ZNF497: variants seen among roughly 807,000 people sequenced by gnomAD.
ZNF497 encodes zinc finger protein 497.
For missense variants in ZNF497, 930 were observed against 714.0 expected (o/e 1.30, Z -3.45); for synonymous variants, 422 against 313.7 (o/e 1.35, Z -3.65).
In ZNF497 at chr19:58,357,458, T is replaced by G; in HGVS notation, c.178A>C (p.Thr60Pro). The G allele has an allele frequency of 1.3e-6, 2 of 1,597,042 alleles. No individual in the cohort carries two copies. Among genetic ancestry groups the G allele is most frequent in the Non-Finnish European group, 1.7e-6 (2 of 1,172,136 alleles). The change falls in exon 3 of 3, where the codon ACA (threonine) becomes CCA (proline). Residue 60 changes from threonine (T) to proline (P), a missense_variant. By Grantham distance (38) the Thr-to-Pro change is conservative. Transcript: ENST00000311044. ...EAGDGQRQQA[T>P]LGAADEQGGP... ...CCCTGTTCGTCCGCCGCCCCCAGTG[T>G]GGCTTGCTGCCGCTGGCCGTCCCCT...
chr19:58,356,375 T>C lies in ZNF497; in HGVS notation c.1261A>G (p.Lys421Glu). ...ERPFACAECG[K>E]AFRGSSELRQ... ...AGCTCGGAGCTGCCGCGGAAGGCCT[T>C]GCCGCATTCTGCGCAGGCGAAGGGT... Residue 421 changes from lysine to glutamate, a missense_variant, in exon 3 of 3, where the codon AAG becomes GAG. Transcript: ENST00000311044. 2 of 1,565,892 alleles carry C rather than the reference T, an allele frequency of 1.3e-6. No homozygotes were observed. Among genetic ancestry groups the C allele is most frequent in the Non-Finnish European group, 1.7e-6 (2 of 1,159,890 alleles).
At position 58,357,343 on chromosome 19, in the gene ZNF497, G is replaced by A. The variant is rs199761726; in HGVS notation, c.293C>T (p.Ser98Leu). 100 of 1,598,566 alleles carry A rather than the reference G, an allele frequency of 6.3e-5. 1 individual carries two copies. The East Asian group carries it at 8.6e-4, about 14-fold the overall frequency. Residue 98 changes from serine (S) to leucine (L), a missense_variant, in exon 3 of 3, where the codon TCG becomes TTG. Physicochemically the swap from Ser to Leu is moderately radical, Grantham distance 145 (BLOSUM62 -2). Transcript: ENST00000311044. ...GCAGCCCGGCTCCTCTGGGAGAGGC[G>A]AAGGGCGCAACGCCCGGTCTGCAGG... ...SEPADRALRP[S>L]PLPEEPGCRC...
At position 58,356,463 on chromosome 19, in the gene ZNF497, G is replaced by A. The variant is rs900215116; in HGVS notation, c.1173C>T (p.Cys391=). The A allele has an allele frequency of 1.9e-6, 3 of 1,552,982 alleles. No individual in the cohort carries two copies. The highest frequency in any genetic ancestry group is 1.4e-5 in the African/African-American group (1 of 73,566). ...SGAKPFACAD[C]GKAFRGSSGL... Reference sequence around the variant, plus strand: ...CGGAACTGCCGCGGAAGGCCTTGCCGCAGTCGGCGCAGGCGAAGGGCTTGG... The same window carrying A: ...CGGAACTGCCGCGGAAGGCCTTGCCACAGTCGGCGCAGGCGAAGGGCTTGG... The change falls in exon 3 of 3, where the codon TGC becomes TGT. Residue 391 remains cysteine, a synonymous_variant. Transcript: ENST00000311044.
At chr19:58,362,030 C>T (rs2052099521) in intron 1 of ZNF497, among the ~76,000 whole-genome samples, 2 of 152,240 alleles carry the variant, frequency 1.3e-5, no homozygotes, top group Non-Finnish European at 2.9e-5. Context: ...CCCCGACGTC[C>T]TCACGTCCAC....
rs770777093 is a variant in ZNF497 at position 58,359,117 on chromosome 19, G to C, written c.-111-532C>G. On this transcript the variant is annotated intron_variant, in intron 1 of 2. Coordinates refer to ENST00000311044, the MANE Select transcript of ZNF497 (RefSeq NM_198458.3). ...ACACAGCTCACGCAGCTGAGCCAGG[G>C]CCCCTCGGGGCCCTGCTGCCTTCTC... is the stretch of plus-strand genomic sequence containing the variant. The C allele has an allele frequency of 2.6e-6, 3 of 1,144,150 alleles. No homozygotes were observed. The African/African-American group carries it at 4.8e-5, about 18-fold the overall frequency. 70.9% of individuals were successfully genotyped at this position (1,144,150 alleles called of 1,614,324 possible). A position where few individuals can be genotyped will look rare whatever the true frequency, so the allele number is the denominator to read the frequency against.
rs1420885835 is a variant in ZNF497, at chr19:58,356,795, T to G, written c.841A>C (p.Lys281Gln). ...AGCCCCGCCACACGCACGAAGGCCT[T>G]GCCGCAGTCGGGACAGGCGTGTGGC... Reference protein sequence around the residue: ...ARPHACPDCGKAFVRVAGLRQ... With the variant: ...ARPHACPDCGQAFVRVAGLRQ... The change falls in exon 3 of 3, where the codon AAG (lysine) becomes CAG (glutamine). Residue 281 changes from lysine (K) to glutamine (Q), a missense_variant. By Grantham distance (53) the Lys-to-Gln change is moderately conservative. Transcript: ENST00000311044. 1 of 1,579,564 alleles carries G rather than the reference T, an allele frequency of 6.3e-7. No homozygotes were observed. Among genetic ancestry groups the G allele is most frequent in the South Asian group, 1.1e-5 (1 of 88,458 alleles).
chr19:58,362,639 T>C (rs967179636), intron 1 of ZNF497, 38 bp downstream of exon 1: 6 of 151,904 alleles, frequency 3.9e-5, no homozygotes, highest in African/African-American at 7.3e-5. Flanking sequence ...GGAGGGCGGA[T>C]CTGTGCCTGG....
intron 1 of ZNF497, chr19:58,359,554 C>T: frequency 2.3e-6 from 1 of 437,784 alleles, no homozygotes; most frequent in Non-Finnish European, 4.6e-6. Flanking sequence ...AGGGTCCCTG[C>T]CCTGCCCTGT....
chr19:58,357,517 G>GC lies in ZNF497; in HGVS notation c.118dup (p.Ala40GlyfsTer288), dbSNP rs750910009. The GC allele has an allele frequency of 1.2e-6, 2 of 1,603,242 alleles. No individual in the cohort carries two copies. The highest frequency in any genetic ancestry group is 8.5e-7 in the Non-Finnish European group (1 of 1,175,294). On this transcript the variant is annotated frameshift_variant, in exon 3 of 3. Coordinates refer to ENST00000311044, the MANE Select transcript of ZNF497 (RefSeq NM_198458.3). The stretch of plus-strand genomic sequence containing the variant: ...CGGAACCTCCGTGGAGTTTTCCCAG[G>GC]CCCCCCAGCCTCCAGACACAGCCCC...
Position 58,355,812 on chromosome 19 carries a change from GAACTC to G in ZNF497, c.*322_*326del. ...GTTGGCTGCTTTTGACAGTGCCAGA[GAACTC>G]AAAGAAATAGCCACACCTGTCGGAG... On this transcript the variant is annotated 3_prime_UTR_variant, in exon 3 of 3. Transcript: ENST00000311044. The G allele has an allele frequency of 3.6e-6, 1 of 279,402 alleles. No individual in the cohort carries two copies. Among genetic ancestry groups the G allele is most frequent in the Non-Finnish European group, 6.7e-6 (1 of 150,082 alleles). 17.3% of individuals were successfully genotyped at this position (279,402 alleles called of 1,614,324 possible). A position where few individuals can be genotyped will look rare whatever the true frequency, so the allele number is the denominator to read the frequency against.
At chr19:58,358,625 G>C in intron 1 of ZNF497, 40 bp from the exon 2 acceptor site, 1 of 1,082,190 alleles carries the variant, frequency 9.2e-7, no homozygotes, top group Non-Finnish European at 1.2e-6. Flanking sequence ...GAGGTGTTCA[G>C]CCTAGCAGAT....
At chr19:58,359,628 A>T (rs1349059450) in intron 1 of ZNF497, 1 of 360,174 alleles carries the variant, frequency 2.8e-6, no homozygotes, top group Non-Finnish European at 5.6e-6. Flanking sequence ...CAGGACACCC[A>T]GAGTCAGACC....
Position 58,355,795 on chromosome 19 carries a change from CT to C in ZNF497, c.*343del. On this transcript the variant is annotated 3_prime_UTR_variant, in exon 3 of 3. Coordinates refer to ENST00000311044, the MANE Select transcript of ZNF497 (RefSeq NM_198458.3). ...TGTGGACTGGGGGGTGGGTTGGCTG[CT>C]TTTGACAGTGCCAGAGAACTCAAAG... The C allele has an allele frequency of 4.1e-6, 1 of 244,622 alleles. No homozygotes were observed. 15.2% of individuals were successfully genotyped at this position (244,622 alleles called of 1,614,324 possible).
Position 58,357,379 on chromosome 19 carries a change from G to T in ZNF497, c.257C>A (p.Pro86His). 2 of 1,593,844 alleles carry T rather than the reference G, an allele frequency of 1.3e-6. No individual in the cohort carries two copies. The highest frequency in any genetic ancestry group is 1.1e-5 in the South Asian group (1 of 89,154). The change falls in exon 3 of 3, where the codon CCC (proline) becomes CAC (histidine). Residue 86 changes from proline to histidine, a missense_variant. Transcript: ENST00000311044. Reference protein sequence around the residue: ...PADGGRDGAGPRSEPADRALR... With the variant: ...PADGGRDGAGHRSEPADRALR... ...CGCCCGGTCTGCAGGCTCGCTCCTGGGCCCAGCCCCGTCCCGCCCACCGTC... is the reference window on the plus strand; with the variant it reads ...CGCCCGGTCTGCAGGCTCGCTCCTGTGCCCAGCCCCGTCCCGCCCACCGTC...
chr19:58,356,349 C>T lies in ZNF497; in HGVS notation c.1287G>A (p.Leu429=), dbSNP rs1425730402. ...CAGAGTGCAGGCGCTGGTGCTGGCG[C>T]AGCTCGGAGCTGCCGCGGAAGGCCT... The part of the protein sequence containing the change: ...CGKAFRGSSE[L]RQHQRLHSGE... The change falls in exon 3 of 3, where the codon CTG becomes CTA. Residue 429 remains leucine (L), a synonymous_variant. Transcript: ENST00000311044. The T allele has an allele frequency of 1.9e-6, 3 of 1,566,922 alleles. No homozygotes were observed. Among genetic ancestry groups the T allele is most frequent in the Non-Finnish European group, 2.6e-6 (3 of 1,159,250 alleles).
chr19:58,356,357 A>C lies in ZNF497; in HGVS notation c.1279T>G (p.Ser427Ala), dbSNP rs974395593. The stretch of plus-strand genomic sequence containing the variant: ...AGGCGCTGGTGCTGGCGCAGCTCGG[A>C]GCTGCCGCGGAAGGCCTTGCCGCAT... ...AECGKAFRGS[S>A]ELRQHQRLHS... Residue 427 changes from serine to alanine, a missense_variant, in exon 3 of 3, where the codon TCC (serine) becomes GCC (alanine). Physicochemically the swap from Ser to Ala is moderately conservative, Grantham distance 99. Coordinates refer to ENST00000311044, the MANE Select transcript of ZNF497 (RefSeq NM_198458.3). 1.3e-6 allele frequency: 2 copies of C among 1,566,320 alleles called. No homozygotes were observed. The highest frequency in any genetic ancestry group is 1.7e-6 in the Non-Finnish European group (2 of 1,159,320).
At chr19:58,360,465 C>A (rs947685136) in intron 1 of ZNF497, among the ~76,000 whole-genome samples, 6 of 152,048 alleles carry the variant, frequency 3.9e-5, no homozygotes, top group Non-Finnish European at 7.4e-5. Flanking sequence ...CATCTTCCCA[C>A]CTCAGCCTCC....
intron 1 of ZNF497, among the ~76,000 whole-genome samples, chr19:58,361,958 T>C (rs1465205072): frequency 6.6e-6 from 1 of 152,176 alleles, no homozygotes; most frequent in Non-Finnish European, 1.5e-5. Flanking sequence ...GAGTCCGTCC[T>C]CGTCGTGGGA....
At position 58,356,419 on chromosome 19, in the gene ZNF497, AGCCGGTGGTGCGCCAG is replaced by A; in HGVS notation, c.1201_1216del (p.Leu401PhefsTer53). 3.2e-6 allele frequency: 5 copies of A among 1,560,648 alleles called. No homozygotes were observed. The highest frequency in any genetic ancestry group is 4.3e-6 in the Non-Finnish European group (5 of 1,158,938). ...GAAGGGTCGCTCTCCCGTGTGCGAAAGCCGGTGGTGCGCCAGGCCGGAACTGCCGCGGAAGGCCTTG... is the reference window on the plus strand; with the variant it reads ...GAAGGGTCGCTCTCCCGTGTGCGAAAGCCGGAACTGCCGCGGAAGGCCTTG... On this transcript the variant is annotated frameshift_variant, in exon 3 of 3. Transcript: ENST00000311044.
Sources: gnomAD v4.1 joint callset for allele counts (sites outside exome capture counted in the v4.1 genomes callset) on GRCh38, gnomAD v4.1.1 for gene constraint, MANE v1.5 for transcripts, NCBI Gene and HGNC (gene_info 2026-07-23, HGNC 2026-07-21) for gene names.